Variants in GALNT14 observed in about 807,000 individuals in gnomAD.
GALNT14 encodes UDP-GalNAc:polypeptide N-acetylgalactosaminyltransferase 14.
Under a neutral mutation model 77.5 loss-of-function variants are expected in GALNT14, and 60 were observed. That is an observed-to-expected ratio of 0.77 (90% CI 0.63 to 0.96). GALNT14 has a LOEUF of 0.96. Ranked by LOEUF, GALNT14 falls within the 40% of genes least tolerant of loss-of-function variation. The probability of loss-of-function intolerance (pLI) is 0.00; values close to 1 mark genes in which losing one functional copy is unlikely to be tolerated. For missense variants in GALNT14, 710 were observed against 731.0 expected, an observed-to-expected ratio of 0.97 and a Z score of 0.33; for synonymous variants, 280 against 281.7, an observed-to-expected ratio of 0.99 and a Z score of 0.06.
Position 30,924,212 on chromosome 2 carries a change from C to T in GALNT14, c.1287G>A (p.Lys429=), listed in dbSNP as rs142503378. 3.3e-4 allele frequency: 529 copies of T among 1,614,206 alleles called. No homozygotes were observed. The highest frequency in any genetic ancestry group is 4.0e-4 in the Non-Finnish European group (470 of 1,180,016). Reference sequence around the variant, plus strand: ...TGTTCTGCCTTTGAGATTCCAGGCACTTCTGTCTCTGTCGGATATTGCCCT... The same window carrying T: ...TGTTCTGCCTTTGAGATTCCAGGCATTTCTGTCTCTGTCGGATATTGCCCT... ...IQKGNIRQRQ[K]CLESQRQNNQ... The change falls in exon 13 of 15, where the codon AAG becomes AAA. Residue 429 remains lysine (K), a synonymous_variant. Transcript: ENST00000349752.
chr2:30,958,487 A>T, intron 3 of GALNT14, 23 bp from the exon 4 acceptor site: 1 of 1,606,412 alleles, frequency 6.2e-7, no homozygotes, highest in Non-Finnish European at 8.5e-7. Flanking sequence ...AACAGAAAAA[A>T]ATCACTGGAA....
chr2:30,989,516 C>T (rs1282847856), intron 2 of GALNT14, among the ~76,000 whole-genome samples: 3 of 138,642 alleles, frequency 2.2e-5, no homozygotes, highest in Non-Finnish European at 4.6e-5. Flanking sequence ...ATAATAGCAA[C>T]AACTAGAATT....
At chr2:31,040,396 G>C (rs1454744555) in intron 1 of GALNT14, among the ~76,000 whole-genome samples, 2 of 152,288 alleles carry the variant, frequency 1.3e-5, no homozygotes, top group Non-Finnish European at 2.9e-5. Flanking sequence ...ATCCAGCCTT[G>C]AAGTGGGAGG....
intron 7 of GALNT14, 101 bp downstream of exon 7, chr2:30,945,682 G>A (rs759305223): frequency 2.4e-5 from 23 of 954,610 alleles, no homozygotes; most frequent in East Asian, 7.6e-5. Flanking sequence ...GAGCTTTCTC[G>A]ACAAGCAACT....
intron 1 of GALNT14, among the ~76,000 whole-genome samples, chr2:31,093,786 T>C (rs1676872657): frequency 6.6e-6 from 1 of 152,256 alleles, no homozygotes; most frequent in Non-Finnish European, 1.5e-5. Context: ...AAAGCACTTT[T>C]GCAGACTTGC....
chr2:31,032,278 G>C (rs12712300), intron 1 of GALNT14, among the ~76,000 whole-genome samples: 2 of 151,870 alleles, frequency 1.3e-5, no homozygotes, highest in Non-Finnish European at 2.9e-5. Flanking sequence ...GGATCCACTC[G>C]CTCAAGATAC....
chr2:30,961,808 A>G (rs148507427), intron 3 of GALNT14, among the ~76,000 whole-genome samples: 1 of 151,960 alleles, frequency 6.6e-6, no homozygotes, highest in Non-Finnish European at 1.5e-5. Context: ...CAGCCTCCCA[A>G]GTAGCTGGGA....
chr2:30,997,521 A>C (rs1386702185), intron 1 of GALNT14, among the ~76,000 whole-genome samples: 3 of 152,146 alleles, frequency 2.0e-5, no homozygotes, highest in Non-Finnish European at 4.4e-5. Flanking sequence ...GGAGCTCCCA[A>C]AGGGCTCCAC....
At chr2:31,046,011 T>A (rs1673430350) in intron 1 of GALNT14, among the ~76,000 whole-genome samples, 1 of 152,130 alleles carries the variant, frequency 6.6e-6, no homozygotes. Flanking sequence ...ACAATAATAA[T>A]ATTAAACTTC....
Position 31,105,683 on chromosome 2 carries a change from C to G in GALNT14, c.129+32275G>C, listed in dbSNP as rs376230848. On this transcript the variant is annotated intron_variant, in intron 1 of 14. Coordinates refer to ENST00000349752, the MANE Select transcript of GALNT14 (RefSeq NM_024572.4). Reference sequence around the variant, plus strand: ...GAGGTTACAGTGAGCCAAGATCATACCACTGTACTCCAGTCTGAGTGACAG... The same window carrying G: ...GAGGTTACAGTGAGCCAAGATCATAGCACTGTACTCCAGTCTGAGTGACAG... Among the ~76,000 whole-genome samples, 107 of 152,066 alleles carry G rather than the reference C, an allele frequency of 7.0e-4. 1 individual carries two copies. Among genetic ancestry groups the G allele is most frequent in the African/African-American group, 2.5e-3 (104 of 41,436 alleles).
At chr2:30,940,973 T>C (rs1666342972) in intron 9 of GALNT14, among the ~76,000 whole-genome samples, 1 of 152,224 alleles carries the variant, frequency 6.6e-6, no homozygotes, top group South Asian at 2.1e-4. Flanking sequence ...GAACAGATGC[T>C]GTGGGTCAGG....
intron 2 of GALNT14, among the ~76,000 whole-genome samples, chr2:30,985,748 A>T (rs1240279702): frequency 6.6e-6 from 1 of 152,216 alleles, no homozygotes; most frequent in Non-Finnish European, 1.5e-5. Context: ...AAAGTGGCAC[A>T]TGGGGGACCA....
intron 1 of GALNT14, among the ~76,000 whole-genome samples, chr2:31,067,510 T>C (rs1245642915): frequency 3.3e-5 from 5 of 152,058 alleles, no homozygotes; most frequent in Admixed American, 3.3e-4. Context: ...GTGCACTCAC[T>C]CAGGAAAGCA....
intron 14 of GALNT14, among the ~76,000 whole-genome samples, chr2:30,911,392 C>T (rs974823825): frequency 5.9e-5 from 9 of 152,250 alleles, no homozygotes; most frequent in Non-Finnish European, 7.4e-5. Context: ...AGCATCTGCA[C>T]GATGGCAGAG....
the GALNT14 span, among the ~76,000 whole-genome samples, chr2:30,899,587 C>T: frequency 1.5e-4 from 22 of 150,222 alleles, no homozygotes; most frequent in South Asian, 2.3e-3. Flanking sequence ...TTTTTTTCCT[C>T]CTTCTTTCTT....
At chr2:31,123,414 G>A (rs76739082) in intron 1 of GALNT14, among the ~76,000 whole-genome samples, 2,692 of 152,164 alleles carry the variant, frequency 0.018, 31 homozygotes, top group Non-Finnish European at 0.03. Flanking sequence ...TAGAACCCAC[G>A]ACAGGTGTCC....
chr2:31,124,108 G>A (rs1353259025), intron 1 of GALNT14, among the ~76,000 whole-genome samples: 4 of 152,142 alleles, frequency 2.6e-5, no homozygotes, highest in Admixed American at 6.5e-5. Flanking sequence ...CCGGATGTTC[G>A]GACAAACTTG....
At chr2:30,929,332 A>G (rs1373874784) in intron 11 of GALNT14, 63 bp downstream of exon 11, 22 of 1,319,156 alleles carry the variant, frequency 1.7e-5, no homozygotes, top group East Asian at 2.3e-5. Context: ...ACCCATTTGC[A>G]TCGGTCCTAG....
At chr2:31,009,918 A>G (rs528614260) in intron 1 of GALNT14, among the ~76,000 whole-genome samples, 2 of 152,090 alleles carry the variant, frequency 1.3e-5, no homozygotes, top group African/African-American at 4.8e-5. Context: ...ACCATACCCA[A>G]CCACCACCAA....
Sources: gnomAD v4.1 joint callset for allele counts (sites outside exome capture counted in the v4.1 genomes callset) on GRCh38, gnomAD v4.1.1 for gene constraint, MANE v1.5 for transcripts, NCBI Gene and HGNC (gene_info 2026-07-23, HGNC 2026-07-21) for gene names.